TBC1D22A: variants seen among roughly 807,000 people sequenced by gnomAD.
The protein encoded by TBC1D22A is putative GTPase activator.
A neutral mutation model predicts 60.2 loss-of-function variants in TBC1D22A; 38 were observed. That is an observed-to-expected ratio of 0.63 (90% CI 0.49 to 0.83). TBC1D22A has a LOEUF of 0.83. Among genes scored for constraint, TBC1D22A ranks in the 40% least tolerant of loss-of-function variants. TBC1D22A has a pLI of 0.00. For synonymous variants in TBC1D22A, 302 were observed against 281.7 expected (o/e 1.07, Z -0.72); for missense variants, 628 against 701.0 (o/e 0.90, Z 1.18).
intron 7 of TBC1D22A, among the ~76,000 whole-genome samples, chr22:46,905,111 G>A (rs189404601): frequency 1.3e-5 from 2 of 152,338 alleles, no homozygotes; most frequent in East Asian, 3.9e-4. Context: ...TTTCAGAGGG[G>A]GACGGTGGGG....
At chr22:47,052,704 G>A (rs546291413) in intron 11 of TBC1D22A, among the ~76,000 whole-genome samples, 23 of 152,290 alleles carry the variant, frequency 1.5e-4, no homozygotes, top group African/African-American at 5.3e-4. Context: ...ACTCCTGTCG[G>A]CCACACACAG....
At chr22:47,172,100 CTGTGTG>C (rs1601765323) in intron 12 of TBC1D22A, among the ~76,000 whole-genome samples, 1 of 150,924 alleles carries the variant, frequency 6.6e-6, no homozygotes, top group East Asian at 2.0e-4. Context: ...TCCCAGTGAG[CTGTGTG>C]CTCACCCAGA....
At chr22:47,046,521 G>A (rs952615904) in intron 11 of TBC1D22A, among the ~76,000 whole-genome samples, 1 of 152,162 alleles carries the variant, frequency 6.6e-6, no homozygotes, top group Admixed American at 6.5e-5. Flanking sequence ...CTCACACCTG[G>A]CCCTGTGAAG....
chr22:47,061,240 T>G (rs1201770724), intron 11 of TBC1D22A, among the ~76,000 whole-genome samples: 4 of 152,178 alleles, frequency 2.6e-5, no homozygotes, highest in Admixed American at 2.0e-4. Context: ...TAAGCCACGC[T>G]GTCTTCCTCG....
chr22:46,778,354 A>G (rs1166238199), intron 1 of TBC1D22A, among the ~76,000 whole-genome samples: 7 of 152,176 alleles, frequency 4.6e-5, no homozygotes, highest in South Asian at 2.1e-4. Context: ...ACTCCTTTCT[A>G]TTGACACATA....
intron 4 of TBC1D22A, among the ~76,000 whole-genome samples, chr22:46,863,708 A>G (rs2066918396): frequency 6.6e-6 from 1 of 152,178 alleles, no homozygotes; most frequent in South Asian, 2.1e-4. Flanking sequence ...AAACAAAAGC[A>G]TTTCCGTCAT....
intron 4 of TBC1D22A, among the ~76,000 whole-genome samples, chr22:46,850,565 T>G (rs9627595): frequency 6.6e-6 from 1 of 152,138 alleles, no homozygotes; most frequent in Non-Finnish European, 1.5e-5. Flanking sequence ...AGAACTCTTA[T>G]ACGCTGCTGG....
chr22:46,842,895 A>T (rs561826214), intron 4 of TBC1D22A, among the ~76,000 whole-genome samples: 1 of 152,202 alleles, frequency 6.6e-6, no homozygotes, highest in Non-Finnish European at 1.5e-5. Flanking sequence ...TCTGGGTGAC[A>T]TCGATGAGAA....
Position 46,792,700 on chromosome 22 carries a change from C to T in TBC1D22A, c.119+124C>T, listed in dbSNP as rs2084466932. On this transcript the variant is annotated intron_variant, in intron 2 of 12. Coordinates refer to ENST00000337137, the MANE Select transcript of TBC1D22A (RefSeq NM_014346.5). Reference sequence around the variant, plus strand: ...TCAGGGAGGAGACTGGTTTCTCATTCAGCCACACTGATCAAGCAGTCGCTT... The same window carrying T: ...TCAGGGAGGAGACTGGTTTCTCATTTAGCCACACTGATCAAGCAGTCGCTT... The T allele has an allele frequency of 2.8e-5, 44 of 1,593,966 alleles. No homozygotes were observed. In the South Asian group the frequency reaches 4.5e-4, roughly 16 times the overall value.
intron 7 of TBC1D22A, among the ~76,000 whole-genome samples, chr22:46,900,170 A>G (rs555050359): frequency 1.4e-5 from 2 of 143,302 alleles, no homozygotes; most frequent in South Asian, 4.5e-4. Flanking sequence ...TTTTTTTGAG[A>G]TGGAGCCTCG....
At chr22:47,013,828 C>G (rs935805035) in intron 10 of TBC1D22A, among the ~76,000 whole-genome samples, 2 of 152,228 alleles carry the variant, frequency 1.3e-5, no homozygotes, top group Admixed American at 1.3e-4. Context: ...TGGGTCAACC[C>G]TTCAGGGTAA....
At chr22:46,762,923 G>T in intron 1 of TBC1D22A, 75 bp downstream of exon 1, 1 of 1,378,340 alleles carries the variant, frequency 7.3e-7, no homozygotes, top group Non-Finnish European at 9.6e-7. Context: ...CCTGGGCTGC[G>T]GGTGGAGTCG....
intron 5 of TBC1D22A, among the ~76,000 whole-genome samples, chr22:46,885,956 G>A (rs9627598): frequency 0.012 from 1,819 of 147,776 alleles, 30 homozygotes; most frequent in African/African-American, 0.042. Context: ...CGCCCAGGCT[G>A]GAGTGCAGTG....
chr22:47,171,748 C>T lies in TBC1D22A; in HGVS notation c.1426-1750C>T, dbSNP rs141702473. Among the ~76,000 whole-genome samples, 269 of 151,978 alleles carry T rather than the reference C, an allele frequency of 1.8e-3. 1 individual carries two copies. The highest frequency in any genetic ancestry group is 6.2e-3 in the African/African-American group (255 of 41,298). On this transcript the variant is annotated intron_variant, in intron 12 of 12. Coordinates refer to ENST00000337137, the MANE Select transcript of TBC1D22A (RefSeq NM_014346.5). ...GAGGGCGGGGCTGTCAGGCGGTGGT[C>T]GTGGGGGGTCCCCCGAGGACCTGTG...
rs190944758 is a variant in TBC1D22A, at chr22:46,800,171, C to T, written c.637+2551C>T. ...TGCACCAGCCCCTGCGGTTGGGCAGCGGGTTATTCCTAACTTGCTATTATT... is the reference window on the plus strand; with the variant it reads ...TGCACCAGCCCCTGCGGTTGGGCAGTGGGTTATTCCTAACTTGCTATTATT... On this transcript the variant is annotated intron_variant, in intron 4 of 12. Coordinates refer to ENST00000337137, the MANE Select transcript of TBC1D22A (RefSeq NM_014346.5). Among the ~76,000 whole-genome samples, 511 of 152,256 alleles carry T rather than the reference C, an allele frequency of 3.4e-3. 10 individuals are homozygous for T. The highest frequency in any genetic ancestry group is 0.03 in the Admixed American group (460 of 15,292).
intron 4 of TBC1D22A, among the ~76,000 whole-genome samples, chr22:46,828,045 G>A (rs73468738): frequency 0.018 from 2,799 of 152,184 alleles, 87 homozygotes; most frequent in African/African-American, 0.064. Context: ...GGACTTTCAC[G>A]CCCCAGGGAC....
At chr22:47,072,813 C>T (rs2064056345) in intron 11 of TBC1D22A, among the ~76,000 whole-genome samples, 1 of 152,252 alleles carries the variant, frequency 6.6e-6, no homozygotes, top group South Asian at 2.1e-4. Context: ...CGAGGCTGTG[C>T]CTCTTGGCCA....
intron 11 of TBC1D22A, among the ~76,000 whole-genome samples, chr22:47,038,422 G>C (rs1318191958): frequency 6.6e-6 from 1 of 152,232 alleles, no homozygotes; most frequent in Non-Finnish European, 1.5e-5. Context: ...CAACATTGGT[G>C]CCTTGCCCAT....
intron 10 of TBC1D22A, among the ~76,000 whole-genome samples, chr22:47,021,251 G>T (rs925926914): frequency 6.8e-6 from 1 of 147,212 alleles, no homozygotes; most frequent in African/African-American, 2.5e-5. Flanking sequence ...CTGGAGCCCT[G>T]AGCAGGGAAC....
Sources: gnomAD v4.1 joint callset for allele counts (sites outside exome capture counted in the v4.1 genomes callset) on GRCh38, gnomAD v4.1.1 for gene constraint, MANE v1.5 for transcripts, NCBI Gene and HGNC (gene_info 2026-07-23, HGNC 2026-07-21) for gene names.